The following OTUD4 variants were observed in gnomAD, a reference collection of about 807,000 sequenced individuals.
OTUD4 encodes OTU domain-containing protein 4.
Under a neutral mutation model 130.4 loss-of-function variants are expected in OTUD4, and 24 were observed. That is an observed-to-expected ratio of 0.18 (90% CI 0.13 to 0.26). OTUD4 has a LOEUF of 0.26. OTUD4 is among the 10% of genes least tolerant of loss of function. OTUD4 has a pLI of 1.00. For synonymous variants in OTUD4, 420 were observed against 472.5 expected, an observed-to-expected ratio of 0.89 and a Z score of 1.44; for missense variants, 1,031 against 1,329.4, an observed-to-expected ratio of 0.78 and a Z score of 3.49.
intron 7 of OTUD4, among the ~76,000 whole-genome samples, chr4:145,157,684 C>CAAAAAAAAA (rs923938636): frequency 2.3e-5 from 1 of 44,088 alleles, no homozygotes; most frequent in African/African-American, 8.4e-5. Context: ...AACTCCGTCT[C>CAAAAAAAAA]AAAAAAAAAA....
intron 7 of OTUD4, among the ~76,000 whole-genome samples, chr4:145,158,656 A>G (rs1751412616): frequency 6.6e-6 from 1 of 152,166 alleles, no homozygotes; most frequent in Non-Finnish European, 1.5e-5. Flanking sequence ...TCATATTCTC[A>G]TACAACAATG....
In OTUD4 at chr4:145,137,402, C is replaced by G. The variant is rs1560974350; in HGVS notation, c.*28G>C. ...TCAGAAACATTCCACCTAAGAGTTT[C>G]TGTTAGAAAATACTTCGGCAACAAC... On this transcript the variant is annotated 3_prime_UTR_variant, in exon 21 of 21. Transcript: ENST00000447906. 2 of 1,558,162 alleles carry G rather than the reference C, an allele frequency of 1.3e-6. No individual in the cohort carries two copies. The highest frequency in any genetic ancestry group is 1.7e-6 in the Non-Finnish European group (2 of 1,146,578).
Position 145,155,695 on chromosome 4 carries a change from A to G in OTUD4, c.691-9T>C, listed in dbSNP as rs2066499842. Reference sequence around the variant, plus strand: ...CCATTGTTCTTCAGCTGCTAAACAAAGTCAGGAAGTCCAATCAACACATAA... The same window carrying G: ...CCATTGTTCTTCAGCTGCTAAACAAGGTCAGGAAGTCCAATCAACACATAA... On this transcript the variant is annotated splice_polypyrimidine_tract_variant and intron_variant, in intron 8 of 20. Coordinates refer to ENST00000447906, the MANE Select transcript of OTUD4 (RefSeq NM_001366057.1). 6.5e-7 allele frequency: 1 copy of G among 1,534,652 alleles called. No individual in the cohort carries two copies. Among genetic ancestry groups the G allele is most frequent in the Non-Finnish European group, 8.9e-7 (1 of 1,120,086 alleles).
intron 6 of OTUD4, among the ~76,000 whole-genome samples, chr4:145,161,971 G>A (rs1010799961): frequency 6.6e-6 from 1 of 152,038 alleles, no homozygotes; most frequent in East Asian, 1.9e-4. Context: ...TCTCTGTTTT[G>A]TTTTGCTTTG....
In OTUD4 at chr4:145,162,664, T is replaced by C. The variant is rs376158951; in HGVS notation, c.472A>G (p.Lys158Glu). 8 of 1,546,282 alleles carry C rather than the reference T, an allele frequency of 5.2e-6. No individual in the cohort carries two copies. The highest frequency in any genetic ancestry group is 3.5e-5 in the South Asian group (3 of 86,234). ...HYDIVYPIKY[K>E]ESSAMCQSLL... is the part of the protein sequence containing the mutation. ...CACTGACACATAGCAGAGCTTTCTT[T>C]ATACTTTATGGGATACACAATATCA... is the stretch of plus-strand genomic sequence containing the variant. Residue 158 changes from lysine to glutamate, a missense_variant, in exon 6 of 21, where the codon AAA (lysine) becomes GAA (glutamate). Physicochemically the swap from Lys to Glu is moderately conservative, Grantham distance 56 (BLOSUM62 1). This residue lies in a region of OTUD4 where 77 missense variants were observed against 172.9 expected (regional missense o/e 0.45). Transcript: ENST00000447906.
intron 3 of OTUD4, among the ~76,000 whole-genome samples, chr4:145,169,976 A>G (rs1406134611): frequency 6.6e-6 from 1 of 152,244 alleles, no homozygotes; most frequent in Non-Finnish European, 1.5e-5. Flanking sequence ...AGTACATTAA[A>G]TGATATAAGC....
At position 145,162,582 on chromosome 4, in the gene OTUD4, A is replaced by G. The variant is rs141916939; in HGVS notation, c.496+58T>C. On this transcript the variant is annotated intron_variant, in intron 6 of 20. Transcript: ENST00000447906. ...AAAACAAAAAACAAAACAAAAAACA[A>G]AAAGACTGTATAAGTTTAGGAATAT... 2.5e-4 allele frequency: 231 copies of G among 920,638 alleles called. No homozygotes were observed. In the African/African-American group the frequency reaches 3.5e-3, roughly 14 times the overall value. 57.0% of individuals were successfully genotyped at this position (920,638 alleles called of 1,614,324 possible). A position where few individuals can be genotyped will look rare whatever the true frequency, so the allele number is the denominator to read the frequency against.
chr4:145,158,881 T>C (rs559119045), intron 7 of OTUD4, among the ~76,000 whole-genome samples: 128 of 152,332 alleles, frequency 8.4e-4, no homozygotes, highest in Non-Finnish European at 1.5e-3. Flanking sequence ...TAAGGCTTCT[T>C]AGAGAATTTA....
chr4:145,137,687 C>A lies in OTUD4; in HGVS notation c.3088G>T (p.Val1030Leu), dbSNP rs144604533. Reference protein sequence around the residue: ...KEESSEDENEVSNILRSGRSK... With the variant: ...KEESSEDENELSNILRSGRSK... The stretch of plus-strand genomic sequence containing the variant: ...CTACCACTTCTCAAAATATTAGACA[C>A]TTCATTTTCATCTTCTGAACTCTCT... Residue 1030 changes from valine (V) to leucine (L), a missense_variant, in exon 21 of 21, where the codon GTG becomes TTG. By Grantham distance (32) the Val-to-Leu change is conservative. Around this residue, in one of 3 missense-constraint regions of OTUD4, gnomAD observed 900 missense variants for 1,095.9 expected, o/e 0.82. Coordinates refer to ENST00000447906, the MANE Select transcript of OTUD4 (RefSeq NM_001366057.1). 1.2e-6 allele frequency: 2 copies of A among 1,613,940 alleles called. No individual in the cohort carries two copies. Among genetic ancestry groups the A allele is most frequent in the South Asian group, 2.2e-5 (2 of 91,076 alleles).
chr4:145,142,205 C>CA lies in OTUD4; in HGVS notation c.1812dup (p.Gly605TrpfsTer23). The CA allele has an allele frequency of 6.2e-7, 1 of 1,613,422 alleles. No homozygotes were observed. The highest frequency in any genetic ancestry group is 8.5e-7 in the Non-Finnish European group (1 of 1,179,692). On this transcript the variant is annotated frameshift_variant, in exon 18 of 21. Transcript: ENST00000447906. LOFTEE classifies it high-confidence loss of function. ...TAAACCCTTCTCTAACCTGTTGGTCCAAAAGTTGTAGGTTCACTTGGCCAG... is the reference window on the plus strand; with the variant it reads ...TAAACCCTTCTCTAACCTGTTGGTCCAAAAAGTTGTAGGTTCACTTGGCCAG...
chr4:145,167,851 T>TC (rs1751952897), intron 3 of OTUD4, among the ~76,000 whole-genome samples: 1 of 152,020 alleles, frequency 6.6e-6, no homozygotes, highest in East Asian at 1.9e-4. Context: ...AGAGTGAAAC[T>TC]CCATCTCTAA....
At chr4:145,157,452 GC>G (rs1259676364) in intron 7 of OTUD4, among the ~76,000 whole-genome samples, 6 of 152,256 alleles carry the variant, frequency 3.9e-5, no homozygotes, top group Non-Finnish European at 7.4e-5. Flanking sequence ...ACTTTGGGAG[GC>G]CGAGGCGGGT....
rs1373615150 is a variant in OTUD4 at position 145,134,327 on chromosome 4, T to C, written c.*3103A>G. On this transcript the variant is annotated 3_prime_UTR_variant, in exon 21 of 21. Coordinates refer to ENST00000447906, the MANE Select transcript of OTUD4 (RefSeq NM_001366057.1). ...TGCATTCTCTTCAGCTACACTAGAG[T>C]GGACCTTGCTTAGTACCCTTAAGTA... 1.7e-5 allele frequency: 3 copies of C among 176,420 alleles called. No homozygotes were observed. The highest frequency in any genetic ancestry group is 3.6e-5 in the Non-Finnish European group (3 of 84,026). The allele number at this position is 176,420 out of a possible 1,614,324, so 10.9% of individuals were successfully genotyped here.
chr4:145,167,065 A>C (rs1751915270), intron 3 of OTUD4, among the ~76,000 whole-genome samples: 1 of 152,226 alleles, frequency 6.6e-6, no homozygotes, highest in Non-Finnish European at 1.5e-5. Flanking sequence ...TTGACAATAG[A>C]GACAGGGAAG....
At chr4:145,176,936 A>C (rs1467449266) in intron 1 of OTUD4, among the ~76,000 whole-genome samples, 1 of 152,250 alleles carries the variant, frequency 6.6e-6, no homozygotes, top group African/African-American at 2.4e-5. Flanking sequence ...TTTCAGTGTA[A>C]TAACTGGTTT....
chr4:145,147,361 A>G (rs1750874327), intron 13 of OTUD4, among the ~76,000 whole-genome samples: 1 of 152,094 alleles, frequency 6.6e-6, no homozygotes, highest in Non-Finnish European at 1.5e-5. Context: ...GGTATCGATG[A>G]AAAAAGGGAG....
Position 145,135,937 on chromosome 4 carries a change from A to T in OTUD4, c.*1493T>A, listed in dbSNP as rs1750224484. ...AAAACCCATCTGTTTCAGTTTGTCA[A>T]ATTCAAGTGAATTGTATTTTCTTAA... On this transcript the variant is annotated 3_prime_UTR_variant, in exon 21 of 21. Coordinates refer to ENST00000447906, the MANE Select transcript of OTUD4 (RefSeq NM_001366057.1). The T allele has an allele frequency of 1.3e-5, 2 of 152,656 alleles. 1 individual carries two copies. The highest frequency in any genetic ancestry group is 4.8e-5 in the African/African-American group (2 of 41,456). The allele number at this position is 152,656 out of a possible 1,614,324, so 9.5% of individuals were successfully genotyped here.
rs779104402 is a variant in OTUD4, at chr4:145,152,580, G to A, written c.929C>T (p.Ser310Phe). ...TTCAACCAAAACTGGTCCATTCTCA[G>A]AATGAATTCCTTGAACATCTGCATT... Reference protein sequence around the residue: ...FLNADVQGIHSENGPVLVEEL... With the variant: ...FLNADVQGIHFENGPVLVEEL... The change falls in exon 11 of 21, where the codon TCT (serine) becomes TTT (phenylalanine). Residue 310 changes from serine (S) to phenylalanine (F), a missense_variant. Coordinates refer to ENST00000447906, the MANE Select transcript of OTUD4 (RefSeq NM_001366057.1). The A allele has an allele frequency of 5.0e-6, 8 of 1,611,212 alleles. No homozygotes were observed. In the East Asian group the frequency reaches 8.9e-5, roughly 18 times the overall value.
intron 1 of OTUD4, among the ~76,000 whole-genome samples, chr4:145,177,870 G>A (rs894223070): frequency 8.5e-5 from 13 of 152,156 alleles, no homozygotes; most frequent in African/African-American, 2.9e-4. Flanking sequence ...AGGAGAAATT[G>A]TTGGCAAAAA....
Sources: gnomAD v4.1 joint callset for allele counts (sites outside exome capture counted in the v4.1 genomes callset) on GRCh38, gnomAD v4.1.1 for gene constraint, gnomAD v4.1.1 regional missense constraint, MANE v1.5 for transcripts, NCBI Gene and HGNC (gene_info 2026-07-23, HGNC 2026-07-21) for gene names.